The following LUZP2 variants were observed in gnomAD, a reference collection of about 807,000 sequenced individuals.
LUZP2 encodes the protein leucine zipper protein 2.
A neutral mutation model predicts 51.6 loss-of-function variants in LUZP2; 52 were observed. The ratio of observed to expected loss-of-function variants is 1.01; its 90% confidence interval spans 0.81 to 1.27. LUZP2 has a LOEUF of 1.27. LUZP2 is among the 50% of genes most tolerant of loss of function. LUZP2 has a pLI of 0.00. For synonymous variants in LUZP2, 154 were observed against 137.3 expected (o/e 1.12, Z -0.85); for missense variants, 436 against 395.4 (o/e 1.10, Z -0.87).
At chr11:24,619,603 T>A (rs916121036) in intron 1 of LUZP2, among the ~76,000 whole-genome samples, 45 of 152,244 alleles carry the variant, frequency 3.0e-4, no homozygotes, top group African/African-American at 1.1e-3. Flanking sequence ...GTTAGTACAG[T>A]TATCCCTCAG....
intron 5 of LUZP2, among the ~76,000 whole-genome samples, chr11:24,804,499 T>C (rs75497635): frequency 0.022 from 3,274 of 152,254 alleles, 58 homozygotes; most frequent in East Asian, 0.098. Flanking sequence ...GAGGTTTGTT[T>C]ACTTGTTTGG....
At chr11:24,923,205 C>A (rs1854126376) in intron 7 of LUZP2, among the ~76,000 whole-genome samples, 1 of 151,952 alleles carries the variant, frequency 6.6e-6, no homozygotes, top group South Asian at 2.1e-4. Context: ...TTTTTCCTAG[C>A]TTAATTTCTA....
At chr11:24,537,403 C>CA (rs1851210608) in intron 1 of LUZP2, among the ~76,000 whole-genome samples, 2 of 151,900 alleles carry the variant, frequency 1.3e-5, no homozygotes, top group African/African-American at 4.8e-5. Flanking sequence ...TGTTGACATA[C>CA]ACAAGCCTAC....
At chr11:24,567,537 A>G (rs956472544) in intron 1 of LUZP2, among the ~76,000 whole-genome samples, 3 of 152,118 alleles carry the variant, frequency 2.0e-5, no homozygotes, top group African/African-American at 4.8e-5. Flanking sequence ...ACCATAGTCA[A>G]AATATTGAAA....
intron 5 of LUZP2, among the ~76,000 whole-genome samples, chr11:24,788,245 A>G (rs1849305058): frequency 8.0e-6 from 1 of 124,652 alleles, no homozygotes; most frequent in African/African-American, 3.1e-5. Context: ...GCTGGAGTGC[A>G]GTGGCACAAT....
chr11:25,058,088 C>A (rs1858739256), intron 10 of LUZP2, among the ~76,000 whole-genome samples: 1 of 151,978 alleles, frequency 6.6e-6, no homozygotes, highest in Non-Finnish European at 1.5e-5. Context: ...CACTGTCATT[C>A]TGGGCTACAT....
At chr11:25,024,003 T>G (rs1857413929) in intron 9 of LUZP2, among the ~76,000 whole-genome samples, 1 of 152,154 alleles carries the variant, frequency 6.6e-6, no homozygotes, top group Admixed American at 6.6e-5. Flanking sequence ...GAGAGACAGT[T>G]TGTTATAATT....
chr11:24,636,504 T>C (rs946706224), intron 1 of LUZP2, among the ~76,000 whole-genome samples: 1 of 152,148 alleles, frequency 6.6e-6, no homozygotes, highest in Non-Finnish European at 1.5e-5. Flanking sequence ...TGGGGGCAAA[T>C]ATTAGCTCAT....
chr11:24,620,020 C>T (rs1854440787), intron 1 of LUZP2, among the ~76,000 whole-genome samples: 1 of 152,138 alleles, frequency 6.6e-6, no homozygotes, highest in Non-Finnish European at 1.5e-5. Context: ...CTATTCTTCT[C>T]TATTTCTCAT....
chr11:24,522,429 T>C (rs117673668), intron 1 of LUZP2, among the ~76,000 whole-genome samples: 2,452 of 152,256 alleles, frequency 0.016, 29 homozygotes, highest in Non-Finnish European at 0.025. Context: ...AAGATATGAA[T>C]ATCACTTTGG....
chr11:24,749,074 G>T (rs1242256608), intron 4 of LUZP2, among the ~76,000 whole-genome samples: 1 of 152,160 alleles, frequency 6.6e-6, no homozygotes, highest in African/African-American at 2.4e-5. Flanking sequence ...GTTAACAAAT[G>T]TACATAGCCA....
intron 1 of LUZP2, among the ~76,000 whole-genome samples, chr11:24,545,661 C>T (rs1344243816): frequency 2.0e-5 from 3 of 147,902 alleles, no homozygotes; most frequent in African/African-American, 7.4e-5. Flanking sequence ...GTTTTTGTTC[C>T]AGTACCATGC....
At chr11:24,842,404 A>G (rs1042415067) in intron 5 of LUZP2, among the ~76,000 whole-genome samples, 4 of 151,818 alleles carry the variant, frequency 2.6e-5, no homozygotes, top group African/African-American at 9.7e-5. Flanking sequence ...CAGCTATTGG[A>G]GCTTGAAAGG....
chr11:24,760,791 G>A (rs766996441), intron 4 of LUZP2, among the ~76,000 whole-genome samples: 2 of 152,196 alleles, frequency 1.3e-5, no homozygotes, highest in Non-Finnish European at 2.9e-5. Flanking sequence ...ATGTCAGAAA[G>A]AGGAATCCAT....
At chr11:25,040,295 A>C (rs1858008714) in intron 9 of LUZP2, among the ~76,000 whole-genome samples, 1 of 145,894 alleles carries the variant, frequency 6.9e-6, no homozygotes, top group Non-Finnish European at 1.5e-5. Flanking sequence ...AGCAAACTAT[A>C]CTGTATATGC....
At chr11:24,946,413 C>T (rs1333385954) in intron 7 of LUZP2, among the ~76,000 whole-genome samples, 5 of 151,888 alleles carry the variant, frequency 3.3e-5, no homozygotes, top group Middle Eastern at 3.4e-3. Flanking sequence ...TTTTGTTCCC[C>T]TGATGCTATT....
In LUZP2 at chr11:24,638,876, G is replaced by A. The variant is rs184804851; in HGVS notation, c.63-90293G>A. On this transcript the variant is annotated intron_variant, in intron 1 of 11. Transcript: ENST00000336930. ...ATCAAATAAATATTAACAAAGAAAAGACAATTAATTCTAATACATTTATGA... is the reference window on the plus strand; with the variant it reads ...ATCAAATAAATATTAACAAAGAAAAAACAATTAATTCTAATACATTTATGA... Among the ~76,000 whole-genome samples the A allele has an allele frequency of 4.4e-3, 670 of 151,166 alleles. 6 individuals carry two copies. The highest frequency in any genetic ancestry group is 0.011 in the Middle Eastern group (3 of 284).
At chr11:24,513,493 A>C (rs1850373403) in intron 1 of LUZP2, among the ~76,000 whole-genome samples, 1 of 152,226 alleles carries the variant, frequency 6.6e-6, no homozygotes, top group African/African-American at 2.4e-5. Flanking sequence ...AAAACATTAA[A>C]ATATCAATAG....
chr11:24,512,287 A>G (rs73429121), intron 1 of LUZP2, among the ~76,000 whole-genome samples: 4,170 of 152,232 alleles, frequency 0.027, 206 homozygotes, highest in African/African-American at 0.095. Flanking sequence ...CCATCTTAGA[A>G]TTCTAACATT....
Sources: gnomAD v4.1 joint callset for allele counts (sites outside exome capture counted in the v4.1 genomes callset) on GRCh38, gnomAD v4.1.1 for gene constraint, MANE v1.5 for transcripts, NCBI Gene and HGNC (gene_info 2026-07-23, HGNC 2026-07-21) for gene names.